IPMK: variants seen among roughly 807,000 people sequenced by gnomAD.
IPMK encodes inositol polyphosphate multikinase, also known as inositol 1,3,4,6-tetrakisphosphate 5-kinase.
Under a neutral mutation model 45.8 loss-of-function variants are expected in IPMK, and 17 were observed. The observed-to-expected ratio is 0.37, with a 90% CI of 0.25 to 0.56. IPMK has a LOEUF of 0.56. IPMK is among the 20% of genes least tolerant of loss of function. The pLI is 0.79. For synonymous variants in IPMK, 180 were observed against 184.3 expected, an observed-to-expected ratio of 0.98 and a Z score of 0.19; for missense variants, 399 against 498.0, an observed-to-expected ratio of 0.80 and a Z score of 1.89.
intron 3 of IPMK, among the ~76,000 whole-genome samples, chr10:58,224,326 G>A (rs995032625): frequency 6.6e-6 from 1 of 152,110 alleles, no homozygotes; most frequent in Non-Finnish European, 1.5e-5. Context: ...ATATCCAACA[G>A]TTTTTGATGC....
chr10:58,252,904 G>A lies in IPMK; in HGVS notation c.190+14518C>T, dbSNP rs570150323. Among the ~76,000 whole-genome samples, 59 of 151,852 alleles carry A rather than the reference G, an allele frequency of 3.9e-4. 2 individuals are homozygous for A. The highest frequency in any genetic ancestry group is 1.4e-3 in the African/African-American group (56 of 41,466). On this transcript the variant is annotated intron_variant, in intron 1 of 5. Transcript: ENST00000373935. ...TAGGATTACAGGCATGAGCCACTGT[G>A]CCCGGCCACATCCATGAGGTTTTTA...
At chr10:58,203,651 GT>G (rs201297178) in intron 4 of IPMK, among the ~76,000 whole-genome samples, 2,693 of 152,264 alleles carry the variant, frequency 0.018, 87 homozygotes, top group African/African-American at 0.059. Context: ...AAAGAAAGTG[GT>G]TTCTTGAGAT....
At chr10:58,197,600 A>G (rs887285590) in intron 5 of IPMK, among the ~76,000 whole-genome samples, 2 of 151,302 alleles carry the variant, frequency 1.3e-5, no homozygotes, top group African/African-American at 2.4e-5. Flanking sequence ...CAGCGAGCCG[A>G]GATCGCCCCA....
chr10:58,197,521 A>G (rs1187023767), intron 5 of IPMK, among the ~76,000 whole-genome samples: 11 of 150,540 alleles, frequency 7.3e-5, no homozygotes, highest in East Asian at 4.0e-4. Flanking sequence ...ATGGTGGCGG[A>G]CGCCTGTAGT....
chr10:58,253,862 C>T (rs1252243711), intron 1 of IPMK, among the ~76,000 whole-genome samples: 2 of 152,030 alleles, frequency 1.3e-5, no homozygotes, highest in Non-Finnish European at 2.9e-5. Context: ...GCACTCCAGT[C>T]TCTCCTGGCC....
intron 2 of IPMK, among the ~76,000 whole-genome samples, chr10:58,235,386 A>G (rs982524302): frequency 6.6e-6 from 1 of 152,232 alleles, no homozygotes; most frequent in African/African-American, 2.4e-5. Flanking sequence ...CTGCAGCACT[A>G]TTCACAATAG....
At chr10:58,257,842 A>G (rs79735330) in intron 1 of IPMK, among the ~76,000 whole-genome samples, 3,164 of 152,338 alleles carry the variant, frequency 0.021, 53 homozygotes, top group Non-Finnish European at 0.034. Flanking sequence ...ACACAAAGAG[A>G]GACATATCAT....
At chr10:58,211,021 T>C (rs769045187) in intron 4 of IPMK, among the ~76,000 whole-genome samples, 30 of 152,154 alleles carry the variant, frequency 2.0e-4, no homozygotes, top group Admixed American at 4.6e-4. Flanking sequence ...GGGAACATCA[T>C]GATTAGATAT....
At chr10:58,198,364 A>G (rs1009033146) in intron 5 of IPMK, among the ~76,000 whole-genome samples, 1 of 152,206 alleles carries the variant, frequency 6.6e-6, no homozygotes, top group African/African-American at 2.4e-5. Flanking sequence ...ATTTATAGGT[A>G]TATATAATTT....
intron 1 of IPMK, among the ~76,000 whole-genome samples, chr10:58,247,321 T>C (rs368751489): frequency 6.6e-6 from 1 of 151,276 alleles, no homozygotes; most frequent in Admixed American, 6.6e-5. Flanking sequence ...ACCCAAAGGA[T>C]TATAAATCAT....
chr10:58,215,734 CTTTTA>C (rs1014256480), intron 4 of IPMK, among the ~76,000 whole-genome samples: 2 of 152,106 alleles, frequency 1.3e-5, no homozygotes, highest in African/African-American at 4.8e-5. Flanking sequence ...TTTTAAATTT[CTTTTA>C]TATTTTGAAA....
chr10:58,266,031 C>T (rs549371053), intron 1 of IPMK, among the ~76,000 whole-genome samples: 1 of 152,276 alleles, frequency 6.6e-6, no homozygotes, highest in South Asian at 2.1e-4. Context: ...TTAACAGAAA[C>T]CCCATGAGTA....
At chr10:58,243,136 G>A (rs1423350147) in intron 1 of IPMK, among the ~76,000 whole-genome samples, 2 of 151,796 alleles carry the variant, frequency 1.3e-5, no homozygotes, top group Non-Finnish European at 2.9e-5. Context: ...ACTATCCTAG[G>A]AAAAAAATCA....
At chr10:58,260,966 T>C (rs1250563729) in intron 1 of IPMK, among the ~76,000 whole-genome samples, 2 of 151,818 alleles carry the variant, frequency 1.3e-5, no homozygotes, top group African/African-American at 4.8e-5. Context: ...GCCAAGACAA[T>C]CTTGAAATAG....
chr10:58,245,059 T>C (rs1400436490), intron 1 of IPMK, among the ~76,000 whole-genome samples: 1 of 123,902 alleles, frequency 8.1e-6, no homozygotes, highest in Non-Finnish European at 1.6e-5. Context: ...AAAAAAAAAA[T>C]AATAAAATAA....
intron 3 of IPMK, among the ~76,000 whole-genome samples, chr10:58,222,552 T>C (rs1341122150): frequency 6.6e-6 from 1 of 152,210 alleles, no homozygotes; most frequent in Non-Finnish European, 1.5e-5. Context: ...CTGGTACTTG[T>C]ATAATAAATA....
chr10:58,237,626 C>T, intron 2 of IPMK, 103 bp downstream of exon 2: 1 of 831,582 alleles, frequency 1.2e-6, no homozygotes, highest in Non-Finnish European at 2.1e-6. Flanking sequence ...CCGTTACATA[C>T]ACACAGTGAC....
At chr10:58,254,885 G>A (rs2590349) in intron 1 of IPMK, among the ~76,000 whole-genome samples, 51,526 of 152,102 alleles carry the variant, frequency 0.34, 10,981 homozygotes, top group African/African-American at 0.61. Context: ...GGATGAAATC[G>A]CTGCCCTGCC....
intron 1 of IPMK, among the ~76,000 whole-genome samples, chr10:58,248,399 G>C (rs1838833632): frequency 6.6e-6 from 1 of 151,950 alleles, no homozygotes; most frequent in Admixed American, 6.6e-5. Context: ...ATTTCTATCT[G>C]CAGAAGGCAT....
Sources: gnomAD v4.1 joint callset for allele counts (sites outside exome capture counted in the v4.1 genomes callset) on GRCh38, gnomAD v4.1.1 for gene constraint, MANE v1.5 for transcripts, NCBI Gene and HGNC (gene_info 2026-07-23, HGNC 2026-07-21) for gene names.